Variants in FAM174A observed in about 807,000 individuals in gnomAD.
FAM174A encodes the protein family with sequence similarity 174 member A.
In FAM174A, 14 loss-of-function variants were observed where a neutral mutation model predicts 14.3. The observed-to-expected ratio is 0.98, with a 90% CI of 0.65 to 1.53. The LOEUF (loss-of-function observed/expected upper bound fraction) is 1.53. Among genes scored for constraint, FAM174A ranks in the 40% most tolerant of loss-of-function variants. The pLI, the probability that FAM174A is intolerant of heterozygous loss-of-function variation, is 0.00. For synonymous variants in FAM174A, 108 were observed against 111.4 expected, an observed-to-expected ratio of 0.97 and a Z score of 0.19; for missense variants, 241 against 249.6, an observed-to-expected ratio of 0.97 and a Z score of 0.23.
chr5:100,575,023 G>A (rs1356228314), intron 2 of FAM174A, among the ~76,000 whole-genome samples: 6 of 152,162 alleles, frequency 3.9e-5, no homozygotes, highest in South Asian at 2.1e-4. Flanking sequence ...AAATGACTTT[G>A]TCTGCAATAT....
intron 1 of FAM174A, among the ~76,000 whole-genome samples, chr5:100,552,005 C>G (rs1259164514): frequency 6.6e-6 from 1 of 152,126 alleles, no homozygotes; most frequent in Non-Finnish European, 1.5e-5. Context: ...TTGGAAGACG[C>G]AGTTCAACCT....
chr5:100,582,994 T>TA (rs1747051867), intron 2 of FAM174A, among the ~76,000 whole-genome samples: 1 of 152,208 alleles, frequency 6.6e-6, no homozygotes, highest in African/African-American at 2.4e-5. Flanking sequence ...GAAGACTTAC[T>TA]AATATCATGA....
At chr5:100,536,765 C>T (rs977857228) in intron 1 of FAM174A, among the ~76,000 whole-genome samples, 34 of 152,188 alleles carry the variant, frequency 2.2e-4, no homozygotes, top group African/African-American at 7.2e-4. Flanking sequence ...CCATAAATAC[C>T]CTCTGTATTG....
chr5:100,579,604 T>C (rs566461222), intron 2 of FAM174A, among the ~76,000 whole-genome samples: 54 of 152,224 alleles, frequency 3.5e-4, no homozygotes, highest in South Asian at 2.5e-3. Context: ...TTTGTATTTT[T>C]TAGTAGAGAT....
intron 2 of FAM174A, among the ~76,000 whole-genome samples, chr5:100,582,855 T>C (rs1022530268): frequency 1.3e-5 from 2 of 152,120 alleles, no homozygotes; most frequent in Non-Finnish European, 2.9e-5. Flanking sequence ...ATAGGAACCA[T>C]AGAAATGAAT....
At chr5:100,538,561 A>T (rs938133364) in intron 1 of FAM174A, among the ~76,000 whole-genome samples, 1 of 152,048 alleles carries the variant, frequency 6.6e-6, no homozygotes, top group Non-Finnish European at 1.5e-5. Context: ...CACGGTAGGG[A>T]CAAAGTAGAT....
At chr5:100,552,071 C>T (rs533679284) in intron 1 of FAM174A, among the ~76,000 whole-genome samples, 1 of 152,182 alleles carries the variant, frequency 6.6e-6, no homozygotes, top group South Asian at 2.1e-4. Context: ...GTGGAAGTGA[C>T]AACTGATGGA....
chr5:100,555,999 C>A (rs972142845), intron 1 of FAM174A, among the ~76,000 whole-genome samples: 12 of 152,164 alleles, frequency 7.9e-5, no homozygotes, highest in African/African-American at 2.9e-4. Context: ...TTGGTGTTTT[C>A]GACATGAAGT....
chr5:100,581,382 G>A (rs1747012525), intron 2 of FAM174A: 1 of 985,176 alleles, frequency 1.0e-6, no homozygotes, highest in Non-Finnish European at 1.2e-6. Context: ...GCAACTGAGG[G>A]ATAGCAACAT....
intron 1 of FAM174A, among the ~76,000 whole-genome samples, chr5:100,541,037 A>G (rs1023190492): frequency 6.6e-6 from 1 of 152,240 alleles, no homozygotes; most frequent in Non-Finnish European, 1.5e-5. Flanking sequence ...GGAGATTTGT[A>G]GGACAATGCT....
In FAM174A at chr5:100,535,567, C is replaced by G. The variant is rs991708848; in HGVS notation, c.37C>G (p.Leu13Val). The change falls in exon 1 of 3, where the codon CTC becomes GTC. Residue 13 changes from leucine to valine, a missense_variant. Leu to Val is a conservative substitution (Grantham distance 32). Coordinates refer to ENST00000312637, the MANE Select transcript of FAM174A (RefSeq NM_198507.3). ...ASQCCCCLSH[L>V]LASVLLLLLL... ...GCAGTGCTGCTGCTGTCTCAGCCAC[C>G]TCTTGGCTTCCGTCCTCCTCCTGCT... 1.2e-6 allele frequency: 2 copies of G among 1,613,262 alleles called. No individual in the cohort carries two copies. The highest frequency in any genetic ancestry group is 1.7e-6 in the Non-Finnish European group (2 of 1,179,970).
chr5:100,570,245 T>G (rs1332137055), intron 2 of FAM174A, among the ~76,000 whole-genome samples: 1 of 151,876 alleles, frequency 6.6e-6, no homozygotes, highest in Non-Finnish European at 1.5e-5. Context: ...CTTCTGTGGC[T>G]TAGACATTTT....
intron 1 of FAM174A, among the ~76,000 whole-genome samples, chr5:100,538,688 C>T (rs1019391147): frequency 6.6e-6 from 1 of 152,168 alleles, no homozygotes; most frequent in African/African-American, 2.4e-5. Flanking sequence ...AAGCAGTTGC[C>T]TAATGGATGA....
rs1396888387 is a variant in FAM174A at position 100,536,333 on chromosome 5, C to A, written c.434+369C>A. 3.9e-5 allele frequency among the ~76,000 whole-genome samples: 6 copies of A among 152,078 alleles called. No homozygotes were observed. The East Asian group carries it at 1.2e-3, about 29-fold the overall frequency. On this transcript the variant is annotated intron_variant, in intron 1 of 2. Transcript: ENST00000312637. Reference sequence around the variant, plus strand: ...CTAAATTTTTGTATACCTAACTGGTCAAAATTTTGCCAATCAGAATGCAAA... The same window carrying A: ...CTAAATTTTTGTATACCTAACTGGTAAAAATTTTGCCAATCAGAATGCAAA...
intron 1 of FAM174A, among the ~76,000 whole-genome samples, chr5:100,560,056 G>GT (rs1008802453): frequency 1.6e-4 from 24 of 152,126 alleles, no homozygotes; most frequent in African/African-American, 5.1e-4. Flanking sequence ...TTTCTGCTCT[G>GT]TTTTTTCCCC....
At chr5:100,583,638 AT>A (rs75784085) in intron 2 of FAM174A, among the ~76,000 whole-genome samples, 2,808 of 143,190 alleles carry the variant, frequency 0.02, 60 homozygotes, top group African/African-American at 0.058. Context: ...TTTATTACCG[AT>A]TTTTTTTTTT....
rs151052041 is a variant in FAM174A, at chr5:100,562,147, G to A, written c.528G>A (p.Glu176=). The change falls in exon 2 of 3, where the codon GAG becomes GAA. Residue 176 remains glutamate, a synonymous_variant. Transcript: ENST00000312637. ...TGACACCTTTAGAACAGGATGATGA[G>A]GATGATGACAACACGTTGTTTGATG... is the stretch of plus-strand genomic sequence containing the variant. The part of the protein sequence containing the change: ...MELTPLEQDD[E]DDDNTLFDAN... 3 of 1,585,138 alleles carry A rather than the reference G, an allele frequency of 1.9e-6. No individual in the cohort carries two copies. The highest frequency in any genetic ancestry group is 1.8e-5 in the Admixed American group (1 of 54,366).
rs144016021 is a variant in FAM174A at position 100,544,408 on chromosome 5, GGAGA to G, written c.434+8467_434+8470del. 3.6e-3 allele frequency among the ~76,000 whole-genome samples: 534 copies of G among 146,354 alleles called. 1 individual carries two copies. The highest frequency in any genetic ancestry group is 0.011 in the African/African-American group (455 of 39,938). On this transcript the variant is annotated intron_variant, in intron 1 of 2. Transcript: ENST00000312637. ...TGCATCCTCAAACAGATGAGATCCT[GGAGA>G]GAGAGAGAGAGAGAGAGAGAGATCG...
chr5:100,556,225 C>A (rs1746377499), intron 1 of FAM174A, among the ~76,000 whole-genome samples: 1 of 152,110 alleles, frequency 6.6e-6, no homozygotes, highest in Non-Finnish European at 1.5e-5. Flanking sequence ...TTGTTTTTGT[C>A]AGGTTTGTCA....
Sources: gnomAD v4.1 joint callset for allele counts (sites outside exome capture counted in the v4.1 genomes callset) on GRCh38, gnomAD v4.1.1 for gene constraint, MANE v1.5 for transcripts, NCBI Gene and HGNC (gene_info 2026-07-23, HGNC 2026-07-21) for gene names.